Variants in OR4D9 observed in about 807,000 individuals in gnomAD.
OR4D9 encodes olfactory receptor 4D9.
A neutral mutation model predicts 0.8 loss-of-function variants in OR4D9; 2 were observed. The observed-to-expected ratio is 2.58, with a 90% confidence interval of 1.06 to 8.13. The LOEUF (loss-of-function observed/expected upper bound fraction) is 8.13. Among genes scored for constraint, OR4D9 ranks in the 30% most tolerant of loss-of-function variants. OR4D9 has a pLI of 0.04. For missense variants in OR4D9, 399 were observed against 384.7 expected (o/e 1.04, Z -0.31); for synonymous variants, 146 against 151.2 (o/e 0.97, Z 0.25).
chr11:59,515,749 C>G lies in OR4D9; in HGVS notation c.837C>G (p.Ser279=), dbSNP rs748124965. Residue 279 remains serine, a synonymous_variant, in exon 3 of 3, where the codon TCC becomes TCG. Transcript: ENST00000641962. The stretch of plus-strand genomic sequence containing the variant: ...TCTCTGTCACCTTCACTGTCATCTC[C>G]CCTTTGCTCAATCCTATAATTTACA... The part of the protein sequence containing the change: ...TAISVTFTVI[S]PLLNPIIYTL... 6.2e-7 allele frequency: 1 copy of G among 1,613,996 alleles called. No homozygotes were observed. The highest frequency in any genetic ancestry group is 8.5e-7 in the Non-Finnish European group (1 of 1,180,036).
Position 59,515,824 on chromosome 11 carries a change from G to A in OR4D9, c.912G>A (p.Arg304=). Residue 304 remains arginine (R), a synonymous_variant, in exon 3 of 3, where the codon CGG becomes CGA. Transcript: ENST00000641962. ...TGGCCATGAGGAAACTGAAGAGACGGCTAGGACAATCAGAAAGGATTTTAA... is the reference window on the plus strand; with the variant it reads ...TGGCCATGAGGAAACTGAAGAGACGACTAGGACAATCAGAAAGGATTTTAA... ...MKLAMRKLKR[R]LGQSERILIQ The A allele has an allele frequency of 6.2e-7, 1 of 1,613,602 alleles. No homozygotes were observed. Among genetic ancestry groups the A allele is most frequent in the South Asian group, 1.1e-5 (1 of 91,038 alleles).
chr11:59,515,233 G>C lies in OR4D9; in HGVS notation c.321G>C (p.Leu107=). Residue 107 remains leucine, a synonymous_variant, in exon 3 of 3, where the codon CTG becomes CTC. Transcript: ENST00000641962. The stretch of plus-strand genomic sequence containing the variant: ...CTCAAATGTTCTTCTTCCACCTTCT[G>C]GGGGGAGCAGACGTTTTTTCTCTCT... ...CVTQMFFFHL[L]GGADVFSLSV... 2 of 1,613,668 alleles carry C rather than the reference G, an allele frequency of 1.2e-6. No individual in the cohort carries two copies. The highest frequency in any genetic ancestry group is 2.2e-5 in the South Asian group (2 of 91,016).
chr11:59,512,231 C>T (rs1433292436), intron 1 of OR4D9, among the ~76,000 whole-genome samples: 3 of 151,326 alleles, frequency 2.0e-5, no homozygotes, highest in African/African-American at 7.3e-5. Context: ...TTTGCAGGCT[C>T]TGTCCAAGAT....
rs1859409423 is a variant in OR4D9 at position 59,516,649 on chromosome 11, T to G, written c.*792T>G. On this transcript the variant is annotated 3_prime_UTR_variant, in exon 3 of 3. Coordinates refer to ENST00000641962, the MANE Select transcript of OR4D9 (RefSeq NM_001004711.2). Reference sequence around the variant, plus strand: ...AAGCAAGGAAAACAACATGTACTTGTCCACATGAGGTGTCTTATGCCTGTA... The same window carrying G: ...AAGCAAGGAAAACAACATGTACTTGGCCACATGAGGTGTCTTATGCCTGTA... 6.6e-6 allele frequency: 1 copy of G among 151,866 alleles called. No individual in the cohort carries two copies. The allele number at this position is 151,866 out of a possible 1,614,324, so 9.4% of individuals were successfully genotyped here. A position where few individuals can be genotyped will look rare whatever the true frequency, so the allele number is the denominator to read the frequency against.
chr11:59,515,439 C>A lies in OR4D9; in HGVS notation c.527C>A (p.Thr176Asn), dbSNP rs545539437. 6.2e-7 allele frequency: 1 copy of A among 1,614,214 alleles called. No individual in the cohort carries two copies. The highest frequency in any genetic ancestry group is 1.1e-5 in the South Asian group (1 of 91,086). The part of the protein sequence containing the change: ...LPFCGPNVLD[T>N]FYCDVPQVLK... ...TTCTGTGGACCCAATGTTCTTGACA[C>A]TTTCTACTGCGATGTCCCCCAGGTC... is the stretch of plus-strand genomic sequence containing the variant. The change falls in exon 3 of 3, where the codon ACT becomes AAT. Residue 176 changes from threonine to asparagine, a missense_variant. Transcript: ENST00000641962.
chr11:59,514,423 G>C (rs1376330127), intron 1 of OR4D9, among the ~76,000 whole-genome samples: 2 of 152,086 alleles, frequency 1.3e-5, no homozygotes, highest in African/African-American at 4.8e-5. Context: ...TTTTGAGGTT[G>C]GGTCATCCAG....
In OR4D9 at chr11:59,514,664, CTG is replaced by C; in HGVS notation, c.-124-7_-124-6del. ...GAATAGATTCACGGACTTGCAACCT[CTG>C]TTTCAGCAGCAGCAGTGAGAGAACT... On this transcript the variant is annotated splice_region_variant and splice_polypyrimidine_tract_variant and intron_variant, in intron 1 of 2. Coordinates refer to ENST00000641962, the MANE Select transcript of OR4D9 (RefSeq NM_001004711.2). The C allele has an allele frequency of 2.5e-6, 1 of 399,342 alleles. No individual in the cohort carries two copies. The allele number at this position is 399,342 out of a possible 1,614,324, so 24.7% of individuals were successfully genotyped here.
Position 59,515,705 on chromosome 11 carries a change from C to T in OR4D9, c.793C>T (p.Leu265Phe), listed in dbSNP as rs1859396347. The T allele has an allele frequency of 9.3e-6, 15 of 1,614,106 alleles. No individual in the cohort carries two copies. Among genetic ancestry groups the T allele is most frequent in the Non-Finnish European group, 1.1e-5 (13 of 1,180,038 alleles). The change falls in exon 3 of 3, where the codon CTC becomes TTC. Residue 265 changes from leucine to phenylalanine, a missense_variant. Leu to Phe is a conservative substitution (Grantham distance 22, BLOSUM62 0). Coordinates refer to ENST00000641962, the MANE Select transcript of OR4D9 (RefSeq NM_001004711.2). ...TGTCTATGCCCGGCCCTTCACTGCC[C>T]TCCCCACAGACACTGCCATCTCTGT... is the stretch of plus-strand genomic sequence containing the variant. ...IYVYARPFTA[L>F]PTDTAISVTF...
chr11:59,512,586 G>T (rs1438242830), intron 1 of OR4D9, among the ~76,000 whole-genome samples: 5 of 151,830 alleles, frequency 3.3e-5, no homozygotes, highest in African/African-American at 1.2e-4. Context: ...CACTTTGGGA[G>T]GTCCAGGCAG....
chr11:59,520,501 C>A lies in OR4D9; in HGVS notation c.*4644C>A, dbSNP rs1590639223. 6.7e-6 allele frequency: 1 copy of A among 150,268 alleles called. No homozygotes were observed. The highest frequency in any genetic ancestry group is 2.1e-4 in the South Asian group (1 of 4,674). 9.3% of individuals were successfully genotyped at this position (150,268 alleles called of 1,614,324 possible). ...GGGAGGGATAGCATTAGGAGATATA[C>A]CTAATGCTAAATGACGAGTTAATGG... On this transcript the variant is annotated 3_prime_UTR_variant, in exon 3 of 3. Coordinates refer to ENST00000641962, the MANE Select transcript of OR4D9 (RefSeq NM_001004711.2).
chr11:59,512,361 C>G, intron 1 of OR4D9, among the ~76,000 whole-genome samples: 1 of 140,500 alleles, frequency 7.1e-6, no homozygotes, highest in Non-Finnish European at 1.5e-5. Flanking sequence ...CCTGTAGTCC[C>G]AGCTACTCGA....
At chr11:59,514,518 A>G (rs1224632371) in intron 1 of OR4D9, among the ~76,000 whole-genome samples, 155 bp from the exon 2 acceptor site, 1 of 152,144 alleles carries the variant, frequency 6.6e-6, no homozygotes, top group Non-Finnish European at 1.5e-5. Context: ...ATCTTGCTCC[A>G]TTTGCAGGTT....
Position 59,511,745 on chromosome 11 carries a change from A to T in OR4D9, c.-126A>T, listed in dbSNP as rs1296041461. ...AAGACTCTTAAGAAGCAAAGAAAAG[A>T]GGTAGTTTTTCACTATTAGAAAGAG... On this transcript the variant is annotated splice_region_variant and 5_prime_UTR_variant, in exon 1 of 3. Transcript: ENST00000641962. 1 of 152,208 alleles carries T rather than the reference A, an allele frequency of 6.6e-6. No homozygotes were observed. Among genetic ancestry groups the T allele is most frequent in the Non-Finnish European group, 1.5e-5 (1 of 68,030 alleles). 9.4% of individuals were successfully genotyped at this position (152,208 alleles called of 1,614,324 possible).
chr11:59,513,949 C>G (rs977289871), intron 1 of OR4D9, among the ~76,000 whole-genome samples: 5 of 151,904 alleles, frequency 3.3e-5, no homozygotes, highest in Non-Finnish European at 7.4e-5. Context: ...CCAGCCTGGG[C>G]GACAGAGTGA....
In OR4D9 at chr11:59,515,195, A is replaced by G; in HGVS notation, c.283A>G (p.Ser95Gly). 1 of 1,614,046 alleles carries G rather than the reference A, an allele frequency of 6.2e-7. No homozygotes were observed. Among genetic ancestry groups the G allele is most frequent in the South Asian group, 1.1e-5 (1 of 91,050 alleles). Residue 95 changes from serine (S) to glycine (G), a missense_variant, in exon 3 of 3, where the codon AGT becomes GGT. By Grantham distance (56) the Ser-to-Gly change is moderately conservative (BLOSUM62 0). Transcript: ENST00000641962. ...ATCAGAGACAAAAACCATCTCCTTC[A>G]GTGGCTGTGTCACTCAAATGTTCTT... ...LLSETKTISF[S>G]GCVTQMFFFH...
rs1186809816 is a variant in OR4D9, at chr11:59,513,747, A to G, written c.-124-926A>G. Among the ~76,000 whole-genome samples, 3 of 152,292 alleles carry G rather than the reference A, an allele frequency of 2.0e-5. No homozygotes were observed. In the East Asian group the frequency reaches 5.8e-4, roughly 29 times the overall value. ...CAGGAGTTTGAGACCAGCCTGGGTA[A>G]CATAGGGAGACCCCAACTCTATAAA... is the stretch of plus-strand genomic sequence containing the variant. On this transcript the variant is annotated intron_variant, in intron 1 of 2. Coordinates refer to ENST00000641962, the MANE Select transcript of OR4D9 (RefSeq NM_001004711.2).
In OR4D9 at chr11:59,517,958, G is replaced by T. The variant is rs929924206; in HGVS notation, c.*2101G>T. 1 of 152,128 alleles carries T rather than the reference G, an allele frequency of 6.6e-6. No homozygotes were observed. Among genetic ancestry groups the T allele is most frequent in the African/African-American group, 2.4e-5 (1 of 41,408 alleles). 9.4% of individuals were successfully genotyped at this position (152,128 alleles called of 1,614,324 possible). A position where few individuals can be genotyped will look rare whatever the true frequency, so the allele number is the denominator to read the frequency against. ...CAACTGACTCCCCCTTATATAGCAG[G>T]ATTAGCCAGATCCAAATTTCCTGTT... On this transcript the variant is annotated 3_prime_UTR_variant, in exon 3 of 3. Coordinates refer to ENST00000641962, the MANE Select transcript of OR4D9 (RefSeq NM_001004711.2).
chr11:59,513,262 A>G (rs1410287337), intron 1 of OR4D9, among the ~76,000 whole-genome samples: 2 of 151,984 alleles, frequency 1.3e-5, no homozygotes, highest in East Asian at 3.9e-4. Context: ...TTTAGTAGAG[A>G]CGGGGTTTTA....
rs17501584 is a variant in OR4D9, at chr11:59,515,388, A to G, written c.476A>G (p.Gln159Arg). ...GGGGGCTTTGTCCACTCCATAGCGC[A>G]GATTTCTCTATTGCTCCCACTCCCT... Reference protein sequence around the residue: ...WVGGFVHSIAQISLLLPLPFC... With the variant: ...WVGGFVHSIARISLLLPLPFC... The change falls in exon 3 of 3, where the codon CAG becomes CGG. Residue 159 changes from glutamine to arginine, a missense_variant. Coordinates refer to ENST00000641962, the MANE Select transcript of OR4D9 (RefSeq NM_001004711.2). 0.048 allele frequency: 78,232 copies of G among 1,614,008 alleles called. 2,260 individuals are homozygous for G. Among genetic ancestry groups the G allele is most frequent in the Non-Finnish European group, 0.058 (68,195 of 1,179,990 alleles).
Sources: allele counts gnomAD v4.1 joint callset (sites outside exome capture counted in the v4.1 genomes callset), GRCh38; gene constraint gnomAD v4.1.1; transcripts MANE v1.5; gene names NCBI Gene and HGNC (gene_info 2026-07-23, HGNC 2026-07-21).